Variants in NARS2 observed in about 807,000 individuals in gnomAD.
NARS2 encodes asparaginyl-tRNA synthetase 2, mitochondrial.
NARS2 carries 60 observed loss-of-function variants against 62.9 expected under a neutral mutation model. The ratio of observed to expected loss-of-function variants is 0.95; its 90% CI spans 0.77 to 1.18. NARS2 has a LOEUF of 1.18. NARS2 is among the 50% of genes most tolerant of loss of function. NARS2 has a pLI of 0.00. For synonymous variants in NARS2, 196 were observed against 200.0 expected (o/e 0.98, Z 0.17); for missense variants, 619 against 576.4 (o/e 1.07, Z -0.76).
At chr11:78,462,012 A>G (rs11237507) in intron 11 of NARS2, among the ~76,000 whole-genome samples, 3,634 of 152,280 alleles carry the variant, frequency 0.024, 140 homozygotes, top group African/African-American at 0.08. Flanking sequence ...TATAGACACA[A>G]TGCTATAGTT....
In NARS2 at chr11:78,558,882, C is replaced by T. The variant is rs149263338; in HGVS notation, c.594+657G>A. 3.3e-4 allele frequency among the ~76,000 whole-genome samples: 50 copies of T among 152,260 alleles called. 1 individual carries two copies. The highest frequency in any genetic ancestry group is 2.5e-3 in the Admixed American group (39 of 15,298). On this transcript the variant is annotated intron_variant, in intron 5 of 13. Coordinates refer to ENST00000281038, the MANE Select transcript of NARS2 (RefSeq NM_024678.6). Reference sequence around the variant, plus strand: ...TATTTATATTTTAAAATATGACTTACGTCCACAAATATTAACTGTGGATTG... The same window carrying T: ...TATTTATATTTTAAAATATGACTTATGTCCACAAATATTAACTGTGGATTG...
intron 3 of NARS2, 77 bp downstream of exon 3, chr11:78,568,553 TCC>T: frequency 6.9e-7 from 1 of 1,454,802 alleles, no homozygotes; most frequent in South Asian, 1.4e-5. Flanking sequence ...AGTTTCATCT[TCC>T]TAATAATCAC....
intron 5 of NARS2, among the ~76,000 whole-genome samples, chr11:78,549,275 A>G (rs190268200): frequency 3.5e-4 from 54 of 152,302 alleles, no homozygotes; most frequent in Non-Finnish European, 6.5e-4. Context: ...TGCTCCACTG[A>G]ACACTCAGCT....
At chr11:78,488,009 C>A (rs911811908) in intron 7 of NARS2, among the ~76,000 whole-genome samples, 2 of 152,142 alleles carry the variant, frequency 1.3e-5, no homozygotes, top group Non-Finnish European at 2.9e-5. Flanking sequence ...ACAAGAACAA[C>A]AGAAACAGTA....
chr11:78,543,947 C>G (rs1388256010), intron 5 of NARS2, among the ~76,000 whole-genome samples: 2 of 137,790 alleles, frequency 1.5e-5, no homozygotes, highest in African/African-American at 2.7e-5. Flanking sequence ...AGGAGAATCG[C>G]TTGAACCCGG....
At chr11:78,468,591 A>G (rs1444875194) in intron 10 of NARS2, among the ~76,000 whole-genome samples, 1 of 151,464 alleles carries the variant, frequency 6.6e-6, no homozygotes, top group East Asian at 1.9e-4. Context: ...TTTTTAGTAG[A>G]GACGGGGTTT....
At chr11:78,561,267 C>G (rs1856547688) in intron 4 of NARS2, among the ~76,000 whole-genome samples, 1 of 152,154 alleles carries the variant, frequency 6.6e-6, no homozygotes, top group Non-Finnish European at 1.5e-5. Context: ...AAGAATAATA[C>G]AGCCGTGCAA....
At chr11:78,481,232 T>C (rs1859341852) in intron 7 of NARS2, among the ~76,000 whole-genome samples, 1 of 152,034 alleles carries the variant, frequency 6.6e-6, no homozygotes, top group Non-Finnish European at 1.5e-5. Context: ...GAAAACCACA[T>C]GAATCCAATG....
chr11:78,505,004 C>T (rs908236919), intron 6 of NARS2, among the ~76,000 whole-genome samples: 2 of 151,632 alleles, frequency 1.3e-5, no homozygotes, highest in South Asian at 2.1e-4. Flanking sequence ...GAAATGTTTC[C>T]GTGGTTTCTA....
intron 5 of NARS2, among the ~76,000 whole-genome samples, chr11:78,548,783 A>G (rs961263694): frequency 2.0e-5 from 3 of 152,166 alleles, no homozygotes; most frequent in Non-Finnish European, 4.4e-5. Context: ...AAATGCGTAA[A>G]TGTTATTTAA....
chr11:78,542,705 G>C (rs1855669385), intron 5 of NARS2, among the ~76,000 whole-genome samples: 1 of 152,122 alleles, frequency 6.6e-6, no homozygotes, highest in Admixed American at 6.6e-5. Flanking sequence ...AGGAGTTCAA[G>C]ACCAGCCTGA....
At chr11:78,543,905 C>T (rs1435266086) in intron 5 of NARS2, among the ~76,000 whole-genome samples, 1 of 149,340 alleles carries the variant, frequency 6.7e-6, no homozygotes, top group Non-Finnish European at 1.5e-5. Flanking sequence ...GTGGCGCGCA[C>T]CTGTAGTCCC....
Position 78,436,440 on chromosome 11 carries a change from G to A in NARS2, c.*230C>T. On this transcript the variant is annotated 3_prime_UTR_variant, in exon 14 of 14. Transcript: ENST00000281038. The stretch of plus-strand genomic sequence containing the variant: ...TTCTTAATTGAGGTAATGGATTTGA[G>A]AGTCCCCTTGCTATAAGTACCTCTT... The A allele has an allele frequency of 2.2e-6, 1 of 462,036 alleles. No homozygotes were observed. The highest frequency in any genetic ancestry group is 3.6e-5 in the South Asian group (1 of 27,714). The allele number at this position is 462,036 out of a possible 1,614,324, so 28.6% of individuals were successfully genotyped here. A position where few individuals can be genotyped will look rare whatever the true frequency, so the allele number is the denominator to read the frequency against.
At chr11:78,571,505 C>A in intron 1 of NARS2, 61 bp from the exon 2 acceptor site, 1 of 1,110,338 alleles carries the variant, frequency 9.0e-7, no homozygotes, top group Non-Finnish European at 1.4e-6. Context: ...ATTACACATA[C>A]ACACACAGAC....
intron 11 of NARS2, among the ~76,000 whole-genome samples, chr11:78,450,461 T>C (rs951457151): frequency 2.6e-5 from 4 of 152,196 alleles, no homozygotes; most frequent in Non-Finnish European, 5.9e-5. Flanking sequence ...CTACATGGTC[T>C]GAAAATTCAC....
In NARS2 at chr11:78,536,606, C is replaced by G. The variant is rs1590828208; in HGVS notation, c.595-7670G>C. Among the ~76,000 whole-genome samples, 4 of 151,766 alleles carry G rather than the reference C, an allele frequency of 2.6e-5. No homozygotes were observed. The East Asian group carries it at 7.7e-4, about 29-fold the overall frequency. On this transcript the variant is annotated intron_variant, in intron 5 of 13. Transcript: ENST00000281038. Reference sequence around the variant, plus strand: ...AATAATGAAAGAAAATATTTTTGTACTCATACAACGTGTTTTAAGTATTAT... The same window carrying G: ...AATAATGAAAGAAAATATTTTTGTAGTCATACAACGTGTTTTAAGTATTAT...
In NARS2 at chr11:78,565,656, T is replaced by G. The variant is rs116013596; in HGVS notation, c.513+476A>C. Among the ~76,000 whole-genome samples, 957 of 152,272 alleles carry G rather than the reference T, an allele frequency of 6.3e-3. 7 individuals carry two copies. The highest frequency in any genetic ancestry group is 0.022 in the African/African-American group (894 of 41,552). ...TATTAGGTAGATCAGTGCATTTGTG[T>G]GAGGAAACTATCCAATGCTAGGGAA... On this transcript the variant is annotated intron_variant, in intron 4 of 13. Transcript: ENST00000281038.
chr11:78,513,461 G>A (rs943296395), intron 6 of NARS2, among the ~76,000 whole-genome samples: 32 of 150,520 alleles, frequency 2.1e-4, no homozygotes, highest in African/African-American at 7.6e-4. Flanking sequence ...CAATTGTTTT[G>A]ATTTTCAGAT....
chr11:78,539,157 T>TA (rs1001695711), intron 5 of NARS2, among the ~76,000 whole-genome samples: 16 of 151,812 alleles, frequency 1.1e-4, no homozygotes, highest in African/African-American at 3.9e-4. Flanking sequence ...CATGATGAGT[T>TA]AAAAAATTCT....
Sources: allele counts gnomAD v4.1 joint callset (sites outside exome capture counted in the v4.1 genomes callset), GRCh38; gene constraint gnomAD v4.1.1; transcripts MANE v1.5; gene names NCBI Gene and HGNC (gene_info 2026-07-23, HGNC 2026-07-21).